Variants in AKT2 observed in about 807,000 individuals in gnomAD.
AKT2 encodes the protein AKT serine/threonine kinase 2.
AKT2 carries 16 observed loss-of-function variants against 58.6 expected under a neutral mutation model. That is an observed-to-expected ratio of 0.27 (90% CI 0.18 to 0.41). AKT2 has a LOEUF of 0.41. Ranked by LOEUF, AKT2 falls within the 10% of genes least tolerant of loss-of-function variation. The probability of loss-of-function intolerance (pLI) is 1.00; values close to 1 mark genes in which losing one functional copy is unlikely to be tolerated. For synonymous variants in AKT2, 253 were observed against 254.0 expected, an observed-to-expected ratio of 1.00 and a Z score of 0.04; for missense variants, 438 against 661.0, an observed-to-expected ratio of 0.66 and a Z score of 3.70.
In AKT2 at chr19:40,232,246, A is replaced by G. The variant is rs1484557475; in HGVS notation, c.*1626T>C. Reference sequence around the variant, plus strand: ...CCTTGCTGAAGGGAACGGCTAGTACAGGAGGAGCTGGGGCCCAGGGGTCTG... The same window carrying G: ...CCTTGCTGAAGGGAACGGCTAGTACGGGAGGAGCTGGGGCCCAGGGGTCTG... On this transcript the variant is annotated 3_prime_UTR_variant, in exon 14 of 14. Coordinates refer to ENST00000392038, the MANE Select transcript of AKT2 (RefSeq NM_001626.6). The G allele has an allele frequency of 4.3e-6, 1 of 233,646 alleles. No individual in the cohort carries two copies. The highest frequency in any genetic ancestry group is 2.2e-5 in the African/African-American group (1 of 45,324). 14.5% of individuals were successfully genotyped at this position (233,646 alleles called of 1,614,324 possible). A position where few individuals can be genotyped will look rare whatever the true frequency, so the allele number is the denominator to read the frequency against.
intron 9 of AKT2, 144 bp from the exon 10 acceptor site, chr19:40,236,529 T>C: frequency 9.0e-7 from 1 of 1,108,366 alleles, no homozygotes; most frequent in Non-Finnish European, 1.3e-6. Flanking sequence ...AGCCTCACCC[T>C]CTGAGGCTCA....
intron 1 of AKT2, among the ~76,000 whole-genome samples, chr19:40,272,699 C>T (rs2077237189): frequency 6.6e-6 from 1 of 152,176 alleles, no homozygotes; most frequent in Non-Finnish European, 1.5e-5. Context: ...ATAGGGCATA[C>T]TGTCTTAGAC....
chr19:40,282,880 C>T (rs1249298577), intron 1 of AKT2: 6 of 185,524 alleles, frequency 3.2e-5, no homozygotes, highest in South Asian at 1.7e-4. Context: ...CTTGACAAGA[C>T]GATCTGAGGC....
rs147942880 is a variant in AKT2 at position 40,258,523 on chromosome 19, A to G, written c.47-1469T>C. Among the ~76,000 whole-genome samples the G allele has an allele frequency of 9.5e-3, 1,451 of 152,162 alleles. 23 individuals are homozygous for G. The highest frequency in any genetic ancestry group is 0.015 in the Non-Finnish European group (1,044 of 68,008). ...CACAAAAAATGTTTTTTAATTAGCC[A>G]GGAGTCGTTGCGTGTGCCTGAAGTC... On this transcript the variant is annotated intron_variant, in intron 2 of 13. Coordinates refer to ENST00000392038, the MANE Select transcript of AKT2 (RefSeq NM_001626.6).
At chr19:40,270,763 A>T (rs1488982012) in intron 1 of AKT2, 1 of 152,284 alleles carries the variant, frequency 6.6e-6, no homozygotes, top group Non-Finnish European at 1.5e-5. Context: ...GTGTAATCCC[A>T]GCACTTTGGA....
At chr19:40,236,497 C>A in intron 9 of AKT2, 112 bp from the exon 10 acceptor site, 2 of 1,423,642 alleles carry the variant, frequency 1.4e-6, no homozygotes, top group Non-Finnish European at 1.9e-6. Flanking sequence ...CCCTCCCATG[C>A]CAGGCTGGGC....
At chr19:40,272,810 G>A (rs2077239885) in intron 1 of AKT2, among the ~76,000 whole-genome samples, 1 of 152,200 alleles carries the variant, frequency 6.6e-6, no homozygotes, top group Non-Finnish European at 1.5e-5. Context: ...GGGTGCGGGA[G>A]GCAAGGCAGC....
chr19:40,267,167 C>T (rs193273941), intron 1 of AKT2, among the ~76,000 whole-genome samples: 6 of 152,214 alleles, frequency 3.9e-5, no homozygotes, highest in East Asian at 1.9e-4. Flanking sequence ...GGATCCCCAA[C>T]GCTGAACCTG....
rs911773897 is a variant in AKT2 at position 40,234,052 on chromosome 19, CACAGG to C, written c.1367-106_1367-102del. 2.4e-6 allele frequency: 3 copies of C among 1,227,338 alleles called. No individual in the cohort carries two copies. The highest frequency in any genetic ancestry group is 3.0e-5 in the African/African-American group (2 of 67,160). The allele number at this position is 1,227,338 out of a possible 1,614,324, so 76.0% of individuals were successfully genotyped here. On this transcript the variant is annotated intron_variant, in intron 13 of 13. Transcript: ENST00000392038. This position sits in a 1 kb window ranked among gnomAD's most constrained non-coding sequence, Gnocchi z 4.7. ...ACGGCCCCAGCTGGCGGGGGCTGCC[CACAGG>C]ACAGGACAGGAAAGGCCCATCCCTC...
rs1270803722 is a variant in AKT2, at chr19:40,230,499, C to T, written c.*3373G>A. On this transcript the variant is annotated 3_prime_UTR_variant, in exon 14 of 14. Coordinates refer to ENST00000392038, the MANE Select transcript of AKT2 (RefSeq NM_001626.6). The stretch of plus-strand genomic sequence containing the variant: ...AAGGGAATCGCACTGCCGCCCCCGA[C>T]TCCACACAACCATCAGTGCACGAGG... The T allele has an allele frequency of 8.8e-6, 2 of 226,728 alleles. No homozygotes were observed. Among genetic ancestry groups the T allele is most frequent in the African/African-American group, 4.5e-5 (2 of 44,716 alleles). 14.0% of individuals were successfully genotyped at this position (226,728 alleles called of 1,614,324 possible). A position where few individuals can be genotyped will look rare whatever the true frequency, so the allele number is the denominator to read the frequency against.
intron 1 of AKT2, chr19:40,275,474 T>C (rs1217084405): frequency 5.3e-6 from 2 of 376,848 alleles, no homozygotes; most frequent in East Asian, 7.3e-5. Context: ...ACAGCCAGCC[T>C]GTGTTACTAT....
chr19:40,247,793 A>T (rs952341739), intron 4 of AKT2, among the ~76,000 whole-genome samples: 1 of 152,096 alleles, frequency 6.6e-6, no homozygotes, highest in Non-Finnish European at 1.5e-5. Flanking sequence ...CATTCACTTC[A>T]TGCTAAAATG....
chr19:40,259,865 G>A (rs900602045), intron 2 of AKT2, among the ~76,000 whole-genome samples: 1 of 152,184 alleles, frequency 6.6e-6, no homozygotes, highest in Non-Finnish European at 1.5e-5. Context: ...TCAAAATCAC[G>A]ATGAAGGCCG....
Position 40,242,769 on chromosome 19 carries a change from C to A in AKT2, c.288-82G>T. ...ACAGCTGAGTGCCACCTCCCAGCCA[C>A]CCCCAGCAACAGGCAAGCAAATGAC... On this transcript the variant is annotated intron_variant, in intron 4 of 13. Transcript: ENST00000392038. This position sits in a 1 kb window ranked among gnomAD's most constrained non-coding sequence, Gnocchi z 4.3. 6.7e-7 allele frequency: 1 copy of A among 1,483,202 alleles called. No homozygotes were observed. The highest frequency in any genetic ancestry group is 1.8e-5 in the Admixed American group (1 of 55,112). 91.9% of individuals were successfully genotyped at this position (1,483,202 alleles called of 1,614,324 possible).
chr19:40,282,123 A>G, intron 1 of AKT2: 1 of 202,476 alleles, frequency 4.9e-6, no homozygotes, highest in Admixed American at 5.4e-5. Flanking sequence ...GGGGAGCTGG[A>G]TCCCGGAATG....
At chr19:40,273,284 T>G (rs189392325) in intron 1 of AKT2, among the ~76,000 whole-genome samples, 2 of 147,678 alleles carry the variant, frequency 1.4e-5, no homozygotes, top group East Asian at 4.0e-4. Flanking sequence ...GAGGTTGGAG[T>G]AAGCAGAGAT....
chr19:40,246,448 T>G (rs1362229359), intron 4 of AKT2, among the ~76,000 whole-genome samples: 1 of 152,086 alleles, frequency 6.6e-6, no homozygotes, highest in African/African-American at 2.4e-5. Context: ...TTATCAGACA[T>G]AGTTGTCCTC....
In AKT2 at chr19:40,265,210, GC is replaced by G; in HGVS notation, c.46+11del. On this transcript the variant is annotated intron_variant, in intron 2 of 13. Coordinates refer to ENST00000392038, the MANE Select transcript of AKT2 (RefSeq NM_001626.6). ...GGGAGAAAGAATCTGGCGGGCAAAA[GC>G]GGCCTCTTACCACGCTTGTGGAGCC... 6.2e-7 allele frequency: 1 copy of G among 1,612,298 alleles called. No homozygotes were observed. Among genetic ancestry groups the G allele is most frequent in the Non-Finnish European group, 8.5e-7 (1 of 1,179,264 alleles).
At chr19:40,264,196 C>A (rs951463872) in intron 2 of AKT2, among the ~76,000 whole-genome samples, 1 of 152,184 alleles carries the variant, frequency 6.6e-6, no homozygotes, top group African/African-American at 2.4e-5. Flanking sequence ...CCAACCGCCA[C>A]ACCTGGGGAC....
Sources: allele counts gnomAD v4.1 joint callset (sites outside exome capture counted in the v4.1 genomes callset), GRCh38; gene constraint gnomAD v4.1.1; non-coding constraint Gnocchi (gnomAD v3.1); transcripts MANE v1.5; gene names NCBI Gene and HGNC (gene_info 2026-07-23, HGNC 2026-07-21).